PHAF1: variants seen among roughly 807,000 people sequenced by gnomAD.
The protein encoded by PHAF1 is phagophore assembly factor 1.
PHAF1 carries 23 observed loss-of-function variants against 63.1 expected under a neutral mutation model. The ratio of observed to expected loss-of-function variants is 0.36; its 90% CI spans 0.26 to 0.52. PHAF1 has a LOEUF of 0.52. Ranked by LOEUF, PHAF1 falls within the 20% of genes least tolerant of loss-of-function variation. The pLI is 0.93. For missense variants in PHAF1, 427 were observed against 517.2 expected, an observed-to-expected ratio of 0.83 and a Z score of 1.69; for synonymous variants, 167 against 185.0, an observed-to-expected ratio of 0.90 and a Z score of 0.79.
At chr16:67,132,386 C>T in intron 4 of PHAF1, 60 bp from the exon 5 acceptor site, 1 of 1,399,970 alleles carries the variant, frequency 7.1e-7, no homozygotes, top group Non-Finnish European at 9.8e-7. Context: ...GCTACTATCT[C>T]ACATGATCTG....
At chr16:67,125,585 T>C (rs1440800429) in intron 2 of PHAF1, among the ~76,000 whole-genome samples, 1 of 152,234 alleles carries the variant, frequency 6.6e-6, no homozygotes, top group African/African-American at 2.4e-5. Flanking sequence ...ATGACCTGTA[T>C]TCCTCACCAA....
intron 1 of PHAF1, among the ~76,000 whole-genome samples, chr16:67,115,354 A>C (rs920168385): frequency 6.6e-6 from 1 of 152,260 alleles, no homozygotes; most frequent in African/African-American, 2.4e-5. Context: ...ACCAAGACCT[A>C]AAGTGCGAAC....
chr16:67,147,349 CACAGACTG>C lies in PHAF1; in HGVS notation c.*219_*226del. 1 of 540,108 alleles carries C rather than the reference CACAGACTG, an allele frequency of 1.9e-6. No individual in the cohort carries two copies. The highest frequency in any genetic ancestry group is 2.7e-5 in the South Asian group (1 of 37,430). The allele number at this position is 540,108 out of a possible 1,614,324, so 33.5% of individuals were successfully genotyped here. The stretch of plus-strand genomic sequence containing the variant: ...TTGGCCTGCTGGTGCCAGCAGGGGA[CACAGACTG>C]CAAAGAGAAGCACAAAGTTTGAGCC... On this transcript the variant is annotated 3_prime_UTR_variant, in exon 16 of 16. Transcript: ENST00000219139.
chr16:67,138,668 GT>G (rs1963694125), intron 8 of PHAF1, among the ~76,000 whole-genome samples: 1 of 152,150 alleles, frequency 6.6e-6, no homozygotes, highest in Admixed American at 6.5e-5. Context: ...TTTCTGAAAT[GT>G]TTTATTAGAA....
At chr16:67,146,914 G>A in intron 15 of PHAF1, 131 bp from the exon 16 acceptor site, 2 of 805,800 alleles carry the variant, frequency 2.5e-6, no homozygotes, top group South Asian at 3.1e-5. Flanking sequence ...CATGAACCAG[G>A]GGAGGTTGAG....
At chr16:67,144,622 G>A (rs1234414522) in intron 11 of PHAF1, among the ~76,000 whole-genome samples, 1 of 152,168 alleles carries the variant, frequency 6.6e-6, no homozygotes, top group African/African-American at 2.4e-5. Context: ...CTTATCCAAG[G>A]TAATAGGCTC....
At chr16:67,142,625 C>T (rs925927113) in intron 10 of PHAF1, among the ~76,000 whole-genome samples, 2 of 152,244 alleles carry the variant, frequency 1.3e-5, no homozygotes, top group Middle Eastern at 3.4e-3. Context: ...GAGCAGGCAC[C>T]GGGAGTGGGG....
intron 1 of PHAF1, among the ~76,000 whole-genome samples, chr16:67,111,066 G>A (rs1178039849): frequency 6.6e-6 from 1 of 152,076 alleles, no homozygotes; most frequent in Admixed American, 6.6e-5. Flanking sequence ...CGCCCACCTC[G>A]GCCTCCCAAA....
chr16:67,130,755 C>T (rs1176746111), intron 3 of PHAF1, among the ~76,000 whole-genome samples: 1 of 152,184 alleles, frequency 6.6e-6, no homozygotes, highest in Non-Finnish European at 1.5e-5. Context: ...TAACAAGCTT[C>T]ATGTCTGTGG....
Position 67,132,886 on chromosome 16 carries a change from C to T in PHAF1, c.425C>T (p.Ser142Leu), listed in dbSNP as rs748956301. 3.7e-6 allele frequency: 6 copies of T among 1,612,730 alleles called. No individual in the cohort carries two copies. The highest frequency in any genetic ancestry group is 1.1e-5 in the South Asian group (1 of 91,042). The change falls in exon 6 of 16, where the codon TCA becomes TTA. Residue 142 changes from serine (S) to leucine (L), a missense_variant. By Grantham distance (145) the Ser-to-Leu change is moderately radical. Coordinates refer to ENST00000219139, the MANE Select transcript of PHAF1 (RefSeq NM_025187.5). ...RGLSFSFQLD[S>L]WTEAPKYEPN... Reference sequence around the variant, plus strand: ...CTGTCTTTCTCTTTTCAGTTAGACTCATGGACTGAGGCTCCAAAGTATGAG... The same window carrying T: ...CTGTCTTTCTCTTTTCAGTTAGACTTATGGACTGAGGCTCCAAAGTATGAG...
intron 1 of PHAF1, among the ~76,000 whole-genome samples, chr16:67,118,026 C>T (rs900809249): frequency 1.4e-4 from 20 of 147,332 alleles, no homozygotes; most frequent in Non-Finnish European, 3.0e-5. Flanking sequence ...GCAATCTTGG[C>T]TCCCTGCAAG....
intron 3 of PHAF1, among the ~76,000 whole-genome samples, chr16:67,128,010 AG>A: frequency 1.3e-5 from 2 of 152,328 alleles, no homozygotes; most frequent in African/African-American, 4.8e-5. Flanking sequence ...AGCATGGTGA[AG>A]ACAATGTCAT....
intron 6 of PHAF1, 85 bp from the exon 7 acceptor site, chr16:67,134,083 G>A (rs543975340): frequency 4.2e-6 from 5 of 1,201,308 alleles, no homozygotes; most frequent in Non-Finnish European, 6.1e-6. Context: ...AGCAGCTCTT[G>A]AAGACCATGA....
At chr16:67,132,989 T>G in intron 6 of PHAF1, 78 bp downstream of exon 6, 8 of 1,188,202 alleles carry the variant, frequency 6.7e-6, no homozygotes, top group Non-Finnish European at 9.8e-6. Context: ...GGGATGGGAA[T>G]AGAGGAGTGG....
chr16:67,139,769 C>T lies in PHAF1; in HGVS notation c.662-215C>T, dbSNP rs902436939. ...ATGAAGTATCCAGAGCTTCATGTCA[C>T]ATGTGGGGGATTGAATAAGTCCCTG... On this transcript the variant is annotated intron_variant, in intron 8 of 15. Transcript: ENST00000219139. 5.4e-6 allele frequency: 3 copies of T among 560,006 alleles called. No individual in the cohort carries two copies. In the African/African-American group the frequency reaches 5.7e-5, roughly 11 times the overall value. 34.7% of individuals were successfully genotyped at this position (560,006 alleles called of 1,614,324 possible).
intron 11 of PHAF1, 29 bp from the exon 12 acceptor site, chr16:67,144,805 C>A: frequency 1.2e-6 from 2 of 1,613,010 alleles, no homozygotes; most frequent in Non-Finnish European, 1.7e-6. Flanking sequence ...CTAGGAGGCC[C>A]AGCCTTTACC....
intron 1 of PHAF1, among the ~76,000 whole-genome samples, chr16:67,111,636 G>T (rs1012907897): frequency 1.3e-5 from 2 of 152,146 alleles, no homozygotes; most frequent in Admixed American, 6.5e-5. Flanking sequence ...TTGGTGTTTT[G>T]TTTTAAGACA....
intron 2 of PHAF1, among the ~76,000 whole-genome samples, chr16:67,125,448 A>G (rs1963150191): frequency 1.3e-5 from 2 of 152,232 alleles, no homozygotes; most frequent in African/African-American, 4.8e-5. Flanking sequence ...TTTGATCTAA[A>G]CCATCAAAGA....
intron 11 of PHAF1, 104 bp downstream of exon 11, chr16:67,144,480 G>C: frequency 1.2e-6 from 1 of 812,726 alleles, no homozygotes; most frequent in Non-Finnish European, 2.1e-6. Context: ...ATCTACACCT[G>C]AATTCTTGCT....
Sources: gnomAD v4.1 joint callset for allele counts (sites outside exome capture counted in the v4.1 genomes callset) on GRCh38, gnomAD v4.1.1 for gene constraint, MANE v1.5 for transcripts, NCBI Gene and HGNC (gene_info 2026-07-23, HGNC 2026-07-21) for gene names.